ZNF746: variants seen among roughly 807,000 people sequenced by gnomAD.
ZNF746 encodes zinc finger protein 746.
A neutral mutation model predicts 41.0 loss-of-function variants in ZNF746; 13 were observed. That is an observed-to-expected ratio of 0.32 (90% CI 0.21 to 0.50). The LOEUF (loss-of-function observed/expected upper bound fraction) is 0.50, where lower values mean the gene tolerates loss of function less well. Ranked by LOEUF, ZNF746 falls within the 20% of genes least tolerant of loss-of-function variation. The pLI is 0.98. For synonymous variants in ZNF746, 424 were observed against 396.2 expected (o/e 1.07, Z -0.83); for missense variants, 811 against 922.9 (o/e 0.88, Z 1.57).
intron 5 of ZNF746, among the ~76,000 whole-genome samples, chr7:149,477,353 C>A (rs560477404): frequency 1.4e-4 from 21 of 152,256 alleles, no homozygotes; most frequent in African/African-American, 5.1e-4. Context: ...TGGAACAGGG[C>A]CAGAGAGACA....
chr7:149,480,162 C>T (rs1800443621), intron 4 of ZNF746, among the ~76,000 whole-genome samples: 1 of 152,036 alleles, frequency 6.6e-6, no homozygotes, highest in Non-Finnish European at 1.5e-5. Flanking sequence ...ACATAGCTTT[C>T]AAATAATCAA....
chr7:149,474,188 CA>C lies in ZNF746; in HGVS notation c.*195del, dbSNP rs1329892926. 6.9e-6 allele frequency: 4 copies of C among 583,604 alleles called. No individual in the cohort carries two copies. The African/African-American group carries it at 7.6e-5, about 11-fold the overall frequency. The allele number at this position is 583,604 out of a possible 1,614,324, so 36.2% of individuals were successfully genotyped here. A position where few individuals can be genotyped will look rare whatever the true frequency, so the allele number is the denominator to read the frequency against. On this transcript the variant is annotated 3_prime_UTR_variant, in exon 7 of 7. Coordinates refer to ENST00000458143, the MANE Select transcript of ZNF746 (RefSeq NM_001394198.1). This position sits in a 1 kb window ranked among gnomAD's most constrained non-coding sequence, Gnocchi z 6.3. ...AAAATTCTACGGCGCTCCCATTTCA[CA>C]GAGAATTCTACTTGGTTTAGAGGTG...
rs780210176 is a variant in ZNF746 at position 149,474,636 on chromosome 7, C to T, written c.1731G>A (p.Thr577=). The change falls in exon 7 of 7, where the codon ACG becomes ACA. Residue 577 remains threonine, a synonymous_variant. Coordinates refer to ENST00000458143, the MANE Select transcript of ZNF746 (RefSeq NM_001394198.1). This position sits in a 1 kb window ranked among gnomAD's most constrained non-coding sequence, Gnocchi z 6.3. Reference sequence around the variant, plus strand: ...CGGTGCAGGTGAAGGGCCGCACGCCCGTGTGCGTTCGGTAGTGGTCGATGA... The same window carrying T: ...CGGTGCAGGTGAAGGGCCGCACGCCTGTGTGCGTTCGGTAGTGGTCGATGA... The part of the protein sequence containing the change: ...SKLIDHYRTH[T]GVRPFTCTVC... 3 of 1,613,032 alleles carry T rather than the reference C, an allele frequency of 1.9e-6. No homozygotes were observed. The highest frequency in any genetic ancestry group is 2.2e-5 in the South Asian group (2 of 90,996).
At chr7:149,478,455 A>G (rs1800384868) in intron 4 of ZNF746, among the ~76,000 whole-genome samples, 1 of 152,248 alleles carries the variant, frequency 6.6e-6, no homozygotes, top group Admixed American at 6.5e-5. Context: ...TCCCATGTCC[A>G]CACAGAATTC....
intron 4 of ZNF746, chr7:149,490,613 G>C (rs1800767676): frequency 1.3e-5 from 2 of 152,878 alleles, no homozygotes. Context: ...CAGGACACCA[G>C]ACGGAATTGA....
intron 3 of ZNF746, 102 bp from the exon 4 acceptor site, chr7:149,493,074 G>A (rs527395968): frequency 1.1e-5 from 9 of 798,390 alleles, no homozygotes; most frequent in African/African-American, 3.4e-5. Flanking sequence ...TCTCTTGATT[G>A]TCACAAAGCA....
rs1166905886 is a variant in ZNF746, at chr7:149,497,081, G to C, written c.24+432C>G. On this transcript the variant is annotated intron_variant, in intron 1 of 6. Coordinates refer to ENST00000458143, the MANE Select transcript of ZNF746 (RefSeq NM_001394198.1). This position sits in a 1 kb window ranked among gnomAD's most constrained non-coding sequence, Gnocchi z 4.2. Reference sequence around the variant, plus strand: ...ACCCCGGGAAGCTGGGCACGTAGTGGGAGTCGGTGTATGCGGATTCGAAGC... The same window carrying C: ...ACCCCGGGAAGCTGGGCACGTAGTGCGAGTCGGTGTATGCGGATTCGAAGC... 1.0e-6 allele frequency: 1 copy of C among 985,264 alleles called. No homozygotes were observed. Among genetic ancestry groups the C allele is most frequent in the Non-Finnish European group, 1.2e-6 (1 of 829,916 alleles). 61.0% of individuals were successfully genotyped at this position (985,264 alleles called of 1,614,324 possible). A position where few individuals can be genotyped will look rare whatever the true frequency, so the allele number is the denominator to read the frequency against.
chr7:149,492,521 G>A (rs570425934), intron 4 of ZNF746, among the ~76,000 whole-genome samples: 22 of 152,276 alleles, frequency 1.4e-4, no homozygotes, highest in Admixed American at 3.9e-4. Context: ...GCGTGGGACT[G>A]GGGGCTGGTG....
intron 6 of ZNF746, among the ~76,000 whole-genome samples, chr7:149,476,363 T>C (rs1432260312): frequency 1.4e-5 from 2 of 146,912 alleles, no homozygotes; most frequent in South Asian, 2.2e-4. Context: ...TGATTTTATA[T>C]AAGCGTACTT....
intron 4 of ZNF746, among the ~76,000 whole-genome samples, chr7:149,479,529 A>G (rs1021276878): frequency 6.6e-6 from 1 of 152,258 alleles, no homozygotes; most frequent in South Asian, 2.1e-4. Context: ...TATATTTTCA[A>G]AAAAGAAAAA....
In ZNF746 at chr7:149,493,977, G is replaced by T. The variant is rs368510368; in HGVS notation, c.451+12C>A. ...AATCCCATTTAACAGAGAAATGAGT[G>T]TCAGGCCTTACCCAGGGAGACCAGC... On this transcript the variant is annotated intron_variant, in intron 3 of 6. Coordinates refer to ENST00000458143, the MANE Select transcript of ZNF746 (RefSeq NM_001394198.1). 5.4e-5 allele frequency: 87 copies of T among 1,614,090 alleles called. No individual in the cohort carries two copies. Among genetic ancestry groups the T allele is most frequent in the Non-Finnish European group, 7.3e-5 (86 of 1,180,042 alleles).
chr7:149,480,143 G>A (rs1185739175), intron 4 of ZNF746, among the ~76,000 whole-genome samples: 1 of 152,118 alleles, frequency 6.6e-6, no homozygotes, highest in Non-Finnish European at 1.5e-5. Flanking sequence ...CAGGAGGAAA[G>A]CATTTTAAAC....
chr7:149,474,164 A>C lies in ZNF746; in HGVS notation c.*220T>G. 1 of 550,122 alleles carries C rather than the reference A, an allele frequency of 1.8e-6. No homozygotes were observed. Among genetic ancestry groups the C allele is most frequent in the East Asian group, 3.1e-5 (1 of 32,528 alleles). 34.1% of individuals were successfully genotyped at this position (550,122 alleles called of 1,614,324 possible). ...AACAGGTTTGCAATTAAATTACTTAAAATTCTACGGCGCTCCCATTTCACA... is the reference window on the plus strand; with the variant it reads ...AACAGGTTTGCAATTAAATTACTTACAATTCTACGGCGCTCCCATTTCACA... On this transcript the variant is annotated 3_prime_UTR_variant, in exon 7 of 7. Transcript: ENST00000458143. The surrounding 1 kb of genome is among the most constrained non-coding windows in gnomAD (Gnocchi z 6.3).
In ZNF746 at chr7:149,494,408, C is replaced by G. The variant is rs770195060; in HGVS notation, c.120G>C (p.Gly40=). 6.2e-7 allele frequency: 1 copy of G among 1,614,030 alleles called. No individual in the cohort carries two copies. The highest frequency in any genetic ancestry group is 1.7e-5 in the Admixed American group (1 of 60,028). The change falls in exon 2 of 7, where the codon GGG becomes GGC. Residue 40 remains glycine (G), a synonymous_variant. Transcript: ENST00000458143. The surrounding 1 kb of genome is among the most constrained non-coding windows in gnomAD (Gnocchi z 5.6). ...AATCAGCCAGCTTCTTCTCGGCCAT[C>G]CCGGTTCGACCTTCTAGGGAAAGCA... is the stretch of plus-strand genomic sequence containing the variant. The part of the protein sequence containing the change: ...ARLLSLEGRT[G]MAEKKLADCE...
chr7:149,492,792 T>G (rs114086154), intron 4 of ZNF746, 67 bp downstream of exon 4: 4 of 1,111,862 alleles, frequency 3.6e-6, no homozygotes, highest in Non-Finnish European at 5.4e-6. Flanking sequence ...TCACACCCTT[T>G]CTGGCCTTTC....
rs1162602086 is a variant in ZNF746 at position 149,494,561 on chromosome 7, C to T, written c.25-58G>A. ...CATTCCATCCACTGTCTTCATTGAG[C>T]CCCTCTCTCCCTAGGCACGGGGGAG... On this transcript the variant is annotated intron_variant, in intron 1 of 6. Coordinates refer to ENST00000458143, the MANE Select transcript of ZNF746 (RefSeq NM_001394198.1). The surrounding 1 kb of genome is among the most constrained non-coding windows in gnomAD (Gnocchi z 5.6). 8 of 1,596,576 alleles carry T rather than the reference C, an allele frequency of 5.0e-6. No individual in the cohort carries two copies. The highest frequency in any genetic ancestry group is 6.0e-6 in the Non-Finnish European group (7 of 1,169,334).
rs900165680 is a variant in ZNF746 at position 149,497,613 on chromosome 7, G to A, written c.-77C>T. 13 of 1,000,580 alleles carry A rather than the reference G, an allele frequency of 1.3e-5. No homozygotes were observed. The highest frequency in any genetic ancestry group is 5.3e-5 in the African/African-American group (3 of 57,102). The allele number at this position is 1,000,580 out of a possible 1,614,324, so 62.0% of individuals were successfully genotyped here. A position where few individuals can be genotyped will look rare whatever the true frequency, so the allele number is the denominator to read the frequency against. ...CGCGCGGCACCACGCAGGCCCGGCC[G>A]CCCGGTGCTCTCCGCAGGCGGCGCC... On this transcript the variant is annotated 5_prime_UTR_variant, in exon 1 of 7. Coordinates refer to ENST00000458143, the MANE Select transcript of ZNF746 (RefSeq NM_001394198.1). The surrounding 1 kb of genome is among the most constrained non-coding windows in gnomAD (Gnocchi z 4.2).
chr7:149,481,252 G>C (rs757700452), intron 4 of ZNF746, among the ~76,000 whole-genome samples: 1 of 152,142 alleles, frequency 6.6e-6, no homozygotes, highest in Non-Finnish European at 1.5e-5. Flanking sequence ...GGTGTCAGTG[G>C]GGGATTGGTT....
chr7:149,476,879 C>G, intron 6 of ZNF746, 43 bp downstream of exon 6: 1 of 1,613,010 alleles, frequency 6.2e-7, no homozygotes, highest in South Asian at 1.1e-5. Context: ...GTACTCCCCA[C>G]AGGCAAGCAT....
Sources: gnomAD v4.1 joint callset for allele counts (sites outside exome capture counted in the v4.1 genomes callset) on GRCh38, gnomAD v4.1.1 for gene constraint, Gnocchi (gnomAD v3.1) non-coding constraint, MANE v1.5 for transcripts, NCBI Gene and HGNC (gene_info 2026-07-23, HGNC 2026-07-21) for gene names.